Variants in NSUN6 observed in about 807,000 individuals in gnomAD.
NSUN6 encodes the protein NOP2/Sun RNA methyltransferase 6.
Under a neutral mutation model 58.0 loss-of-function variants are expected in NSUN6, and 64 were observed. The ratio of observed to expected loss-of-function variants is 1.10; its 90% confidence interval spans 0.90 to 1.36. The LOEUF is 1.36. NSUN6 is among the 40% of genes most tolerant of loss of function. The pLI is 0.00. For missense variants in NSUN6, 701 were observed against 550.1 expected, an observed-to-expected ratio of 1.27 and a Z score of -2.74; for synonymous variants, 231 against 193.9, an observed-to-expected ratio of 1.19 and a Z score of -1.59.
chr10:18,614,582 G>A lies in NSUN6; in HGVS notation c.453C>T (p.Tyr151=). ...FMKAGDVISV[Y]SDIKGKCKKG... ...TCTTACATTTTCCTTTAATATCAGA[G>A]TATACAGAAATAACATCTCCAGCTT... Residue 151 remains tyrosine (Y), a synonymous_variant, in exon 5 of 11, where the codon TAC becomes TAT. Coordinates refer to ENST00000377304, the MANE Select transcript of NSUN6 (RefSeq NM_182543.5). 2 of 1,478,312 alleles carry A rather than the reference G, an allele frequency of 1.4e-6. No homozygotes were observed. The highest frequency in any genetic ancestry group is 9.2e-7 in the Non-Finnish European group (1 of 1,091,608). The allele number at this position is 1,478,312 out of a possible 1,614,324, so 91.6% of individuals were successfully genotyped here.
intron 8 of NSUN6, among the ~76,000 whole-genome samples, chr10:18,560,853 G>A (rs1488507592): frequency 6.6e-6 from 1 of 150,640 alleles, no homozygotes; most frequent in Admixed American, 6.7e-5. Context: ...GGAATGGGGT[G>A]CAGTGGTGAA....
At chr10:18,645,462 C>T (rs117005996) in intron 2 of NSUN6, among the ~76,000 whole-genome samples, 520 of 152,256 alleles carry the variant, frequency 3.4e-3, no homozygotes, top group Non-Finnish European at 6.5e-3. Flanking sequence ...ATTCTAAAAG[C>T]TAAAAAATCC....
At chr10:18,614,146 T>C (rs1316125371) in intron 5 of NSUN6, among the ~76,000 whole-genome samples, 1 of 152,136 alleles carries the variant, frequency 6.6e-6, no homozygotes, top group Non-Finnish European at 1.5e-5. Context: ...ATAGATCATC[T>C]AATTCTTTCT....
intron 8 of NSUN6, among the ~76,000 whole-genome samples, chr10:18,575,022 TC>T (rs146141762): frequency 0.021 from 3,140 of 152,000 alleles, 49 homozygotes; most frequent in Middle Eastern, 0.041. Flanking sequence ...TTCTCTTCCA[TC>T]AAAAAGGAAA....
At chr10:18,559,580 AGAGAATGGAATGGAATG>A (rs1361851954) in intron 8 of NSUN6, among the ~76,000 whole-genome samples, 3 of 149,268 alleles carry the variant, frequency 2.0e-5, no homozygotes, top group Admixed American at 6.7e-5. Flanking sequence ...AGAATGCAAT[AGAGAATGGAATGGAATG>A]GAGAATGGAA....
At chr10:18,627,656 C>A (rs1590124226) in intron 3 of NSUN6, among the ~76,000 whole-genome samples, 1 of 152,318 alleles carries the variant, frequency 6.6e-6, no homozygotes, top group African/African-American at 2.4e-5. Flanking sequence ...TGACAGACGG[C>A]ACCTGGAAAA....
intron 8 of NSUN6, among the ~76,000 whole-genome samples, chr10:18,574,467 A>C (rs977722677): frequency 6.6e-6 from 1 of 152,096 alleles, no homozygotes. Flanking sequence ...ATTTATTATC[A>C]TACAAAGGTT....
chr10:18,560,659 G>A (rs1216601416), intron 8 of NSUN6, among the ~76,000 whole-genome samples: 1 of 133,930 alleles, frequency 7.5e-6, no homozygotes, highest in Non-Finnish European at 1.6e-5. Context: ...GAATGGAATG[G>A]AGAATGGAGA....
chr10:18,616,289 T>G lies in NSUN6; in HGVS notation c.316A>C (p.Asn106His), dbSNP rs1320051801. Reference sequence around the variant, plus strand: ...GCTTCACACTGTTGTTTTTTAATATTCTTTCTAGAAATGTAAGACACAAGA... The same window carrying G: ...GCTTCACACTGTTGTTTTTTAATATGCTTTCTAGAAATGTAAGACACAAGA... Reference protein sequence around the residue: ...LLIPVIGPRKNIKKQQCEAIV... With the variant: ...LLIPVIGPRKHIKKQQCEAIV... The change falls in exon 4 of 11, where the codon AAT (asparagine) becomes CAT (histidine). Residue 106 changes from asparagine (N) to histidine (H), a missense_variant. Physicochemically the swap from Asn to His is moderately conservative, Grantham distance 68. Coordinates refer to ENST00000377304, the MANE Select transcript of NSUN6 (RefSeq NM_182543.5). 5.0e-6 allele frequency: 8 copies of G among 1,593,412 alleles called. No homozygotes were observed. Among genetic ancestry groups the G allele is most frequent in the Non-Finnish European group, 6.9e-6 (8 of 1,161,382 alleles).
intron 8 of NSUN6, among the ~76,000 whole-genome samples, chr10:18,569,596 C>A (rs1192111052): frequency 6.6e-6 from 1 of 151,308 alleles, no homozygotes; most frequent in African/African-American, 2.4e-5. Flanking sequence ...ATTCTCCACA[C>A]CATTCCATTC....
Position 18,548,226 on chromosome 10 carries a change from C to G in NSUN6, c.1083G>C (p.Leu361=), listed in dbSNP as rs781198960. ...AAACCAGCACACCCTCTGGCTTCAG[C>G]AGCTGAACCGCCTAAAGAAAACTGT... The part of the protein sequence containing the change: ...QRKLFTAAVQ[L]LKPEGVLVYS... The change falls in exon 10 of 11, where the codon CTG becomes CTC. Residue 361 remains leucine, a synonymous_variant. Coordinates refer to ENST00000377304, the MANE Select transcript of NSUN6 (RefSeq NM_182543.5). The G allele has an allele frequency of 1.2e-6, 2 of 1,612,618 alleles. No individual in the cohort carries two copies. The highest frequency in any genetic ancestry group is 2.2e-5 in the South Asian group (2 of 90,882).
chr10:18,648,469 T>G (rs1429418624), intron 2 of NSUN6, 21 bp downstream of exon 2: 1 of 1,546,960 alleles, frequency 6.5e-7, no homozygotes, highest in South Asian at 1.1e-5. Flanking sequence ...TATGTACAAA[T>G]GACAGAAAAT....
In NSUN6 at chr10:18,600,927, C is replaced by CAAAAAAAA. The variant is rs1242151513; in HGVS notation, c.658-4608_658-4601dup. 8.2e-4 allele frequency among the ~76,000 whole-genome samples: 36 copies of CAAAAAAAA among 43,770 alleles called. 1 individual carries two copies. Among genetic ancestry groups the CAAAAAAAA allele is most frequent in the African/African-American group, 3.6e-3 (34 of 9,322 alleles). The allele number at this position is 43,770 out of a possible 152,430, so 28.7% of individuals were successfully genotyped here. A position where few individuals can be genotyped will look rare whatever the true frequency, so the allele number is the denominator to read the frequency against. ...TGAGTGAAAGAGCAAGACTCCATCT[C>CAAAAAAAA]AAAAAAAAAAAAAAATATATATATA... On this transcript the variant is annotated intron_variant, in intron 6 of 10. Transcript: ENST00000377304.
chr10:18,649,042 T>C (rs571700693), intron 1 of NSUN6, among the ~76,000 whole-genome samples: 1 of 152,224 alleles, frequency 6.6e-6, no homozygotes, highest in Non-Finnish European at 1.5e-5. Context: ...CGTTAGCTAA[T>C]TAGCTAACAT....
chr10:18,546,126 TCTC>T lies in NSUN6; in HGVS notation c.1214_1216del (p.Gly405del). The T allele has an allele frequency of 2.5e-6, 4 of 1,612,902 alleles. No homozygotes were observed. Among genetic ancestry groups the T allele is most frequent in the South Asian group, 1.1e-5 (1 of 91,030 alleles). On this transcript the variant is annotated inframe_deletion, in exon 11 of 11. Coordinates refer to ENST00000377304, the MANE Select transcript of NSUN6 (RefSeq NM_182543.5). ...TGAGAGCCCAGCTCCCCTCATTCCT[TCTC>T]CTCCAATCTGCGGTTCCTGTTTGGA...
chr10:18,634,833 A>C (rs2131512577), intron 3 of NSUN6, among the ~76,000 whole-genome samples: 1 of 152,154 alleles, frequency 6.6e-6, no homozygotes, highest in African/African-American at 2.4e-5. Flanking sequence ...GAGTTGAAAA[A>C]TGTGTTAACA....
At chr10:18,608,175 G>T (rs2131305817) in intron 6 of NSUN6, among the ~76,000 whole-genome samples, 1 of 152,264 alleles carries the variant, frequency 6.6e-6, no homozygotes, top group South Asian at 2.1e-4. Context: ...CAGTGACAAA[G>T]AATATGGCTC....
At chr10:18,560,118 G>T (rs775922013) in intron 8 of NSUN6, among the ~76,000 whole-genome samples, 2 of 150,586 alleles carry the variant, frequency 1.3e-5, no homozygotes, top group Non-Finnish European at 3.0e-5. Context: ...GAAGGGAATG[G>T]AATGGAATCG....
chr10:18,558,204 G>C (rs2055192911), intron 8 of NSUN6, among the ~76,000 whole-genome samples: 1 of 150,950 alleles, frequency 6.6e-6, no homozygotes. Context: ...GAATGCAATG[G>C]AGAATGGAAT....
Sources: allele counts gnomAD v4.1 joint callset (sites outside exome capture counted in the v4.1 genomes callset), GRCh38; gene constraint gnomAD v4.1.1; transcripts MANE v1.5; gene names NCBI Gene and HGNC (gene_info 2026-07-23, HGNC 2026-07-21).